HS6ST3: variants seen among roughly 807,000 people sequenced by gnomAD.
The protein encoded by HS6ST3 is heparan sulfate 6-O-sulfotransferase 3.
In HS6ST3, 12 loss-of-function variants were observed where a neutral mutation model predicts 36.7. The ratio of observed to expected loss-of-function variants is 0.33; its 90% CI spans 0.21 to 0.53. The LOEUF (loss-of-function observed/expected upper bound fraction) is 0.53, where lower values mean the gene tolerates loss of function less well. Ranked by LOEUF, HS6ST3 falls within the 20% of genes least tolerant of loss-of-function variation. The pLI, the probability that HS6ST3 is intolerant of heterozygous loss-of-function variation, is 0.95. For synonymous variants in HS6ST3, 240 were observed against 257.5 expected, an observed-to-expected ratio of 0.93 and a Z score of 0.65; for missense variants, 584 against 640.9, an observed-to-expected ratio of 0.91 and a Z score of 0.96.
intron 1 of HS6ST3, among the ~76,000 whole-genome samples, chr13:96,305,798 T>A (rs2054909390): frequency 6.6e-6 from 1 of 152,118 alleles, no homozygotes; most frequent in Admixed American, 6.5e-5. Flanking sequence ...GTTACTTGCT[T>A]TGATATATAT....
At chr13:96,489,063 A>G (rs2055931442) in intron 1 of HS6ST3, among the ~76,000 whole-genome samples, 1 of 152,126 alleles carries the variant, frequency 6.6e-6, no homozygotes, top group Non-Finnish European at 1.5e-5. Context: ...GAGAAAAAAT[A>G]AATAACATTG....
chr13:96,366,937 C>T (rs1343341350), intron 1 of HS6ST3, among the ~76,000 whole-genome samples: 1 of 152,152 alleles, frequency 6.6e-6, no homozygotes. Context: ...TCTTGCCTCC[C>T]ACCATGTAAG....
At chr13:96,797,174 A>C (rs1190911343) in intron 1 of HS6ST3, among the ~76,000 whole-genome samples, 2 of 152,092 alleles carry the variant, frequency 1.3e-5, no homozygotes, top group Non-Finnish European at 2.9e-5. Flanking sequence ...ACAAGGATGC[A>C]CAAGGGAGAT....
chr13:96,418,460 G>A (rs143736802), intron 1 of HS6ST3, among the ~76,000 whole-genome samples: 11 of 152,260 alleles, frequency 7.2e-5, no homozygotes, highest in African/African-American at 2.6e-4. Context: ...TGAGTTCTGA[G>A]CTTTATCTTT....
chr13:96,353,420 T>C (rs964881744), intron 1 of HS6ST3, among the ~76,000 whole-genome samples: 4 of 152,108 alleles, frequency 2.6e-5, no homozygotes, highest in African/African-American at 9.7e-5. Context: ...ATTTAATGTA[T>C]GGTATTGTGG....
At chr13:96,389,671 C>T (rs1042426717) in intron 1 of HS6ST3, among the ~76,000 whole-genome samples, 1 of 152,058 alleles carries the variant, frequency 6.6e-6, no homozygotes, top group Admixed American at 6.5e-5. Context: ...AATATATAAG[C>T]TCTTAGAACA....
rs541411040 is a variant in HS6ST3, at chr13:96,663,343, T to G, written c.708-169147T>G. ...TCTCCCACAGTTCTCCATGGGAAAT[T>G]TGAGTAAGAATATTTTACCAAAGAA... On this transcript the variant is annotated intron_variant, in intron 1 of 1. Coordinates refer to ENST00000376705, the MANE Select transcript of HS6ST3 (RefSeq NM_153456.4). Among the ~76,000 whole-genome samples, 3 of 152,264 alleles carry G rather than the reference T, an allele frequency of 2.0e-5. No individual in the cohort carries two copies. In the South Asian group the frequency reaches 6.2e-4, roughly 32 times the overall value.
intron 1 of HS6ST3, among the ~76,000 whole-genome samples, chr13:96,300,959 A>G (rs1033442375): frequency 2.0e-5 from 3 of 152,184 alleles, no homozygotes; most frequent in African/African-American, 4.8e-5. Flanking sequence ...TCTGGAAGAG[A>G]GAGGCATTTG....
intron 1 of HS6ST3, among the ~76,000 whole-genome samples, chr13:96,652,446 CCTT>C (rs1398764069): frequency 3.9e-5 from 6 of 151,942 alleles, no homozygotes. Context: ...TCCCTCCACT[CCTT>C]CTTCCTTCTG....
At chr13:96,706,447 G>T (rs1249783858) in intron 1 of HS6ST3, among the ~76,000 whole-genome samples, 1 of 106,906 alleles carries the variant, frequency 9.4e-6, no homozygotes. Context: ...ATATAATCAG[G>T]GAAAGTAGCG....
intron 1 of HS6ST3, among the ~76,000 whole-genome samples, chr13:96,415,662 G>T (rs1448390336): frequency 6.6e-6 from 1 of 152,114 alleles, no homozygotes; most frequent in Middle Eastern, 3.2e-3. Context: ...GTTCTCTGTG[G>T]ATCTTGCAAG....
At chr13:96,389,063 C>A (rs1446837279) in intron 1 of HS6ST3, among the ~76,000 whole-genome samples, 2 of 152,090 alleles carry the variant, frequency 1.3e-5, no homozygotes, top group African/African-American at 4.8e-5. Flanking sequence ...TTGATAAACT[C>A]ATTGAAAATG....
At chr13:96,410,093 A>G (rs1171637032) in intron 1 of HS6ST3, among the ~76,000 whole-genome samples, 1 of 152,228 alleles carries the variant, frequency 6.6e-6, no homozygotes, top group Non-Finnish European at 1.5e-5. Flanking sequence ...TAAAATCGTG[A>G]AAGGAACAAC....
chr13:96,330,329 C>A (rs1292659657), intron 1 of HS6ST3, among the ~76,000 whole-genome samples: 1 of 151,782 alleles, frequency 6.6e-6, no homozygotes, highest in Non-Finnish European at 1.5e-5. Context: ...ACCGGTTGTT[C>A]CTTTCCATGT....
At chr13:96,113,667 T>A (rs2053880874) in intron 1 of HS6ST3, among the ~76,000 whole-genome samples, 1 of 152,190 alleles carries the variant, frequency 6.6e-6, no homozygotes, top group Non-Finnish European at 1.5e-5. Context: ...CATTTGTAAA[T>A]TTGGAACCTT....
Position 96,585,998 on chromosome 13 carries a change from T to C in HS6ST3, c.708-246492T>C, listed in dbSNP as rs117844013. Among the ~76,000 whole-genome samples, 1,123 of 152,302 alleles carry C rather than the reference T, an allele frequency of 7.4e-3. 8 individuals are homozygous for C. The highest frequency in any genetic ancestry group is 0.012 in the Non-Finnish European group (846 of 68,012). ...TGGTAATTCCATTAAGTTTTTTTCA[T>C]AATGGATGTATTAATTACATTCCCA... On this transcript the variant is annotated intron_variant, in intron 1 of 1. Transcript: ENST00000376705.
intron 1 of HS6ST3, among the ~76,000 whole-genome samples, chr13:96,418,021 T>C (rs1397291305): frequency 6.6e-6 from 1 of 152,160 alleles, no homozygotes. Context: ...TTATAACTCA[T>C]GCCTGAACAA....
At chr13:96,260,305 C>CT (rs2054658943) in intron 1 of HS6ST3, among the ~76,000 whole-genome samples, 1 of 96,084 alleles carries the variant, frequency 1.0e-5, no homozygotes, top group Non-Finnish European at 2.1e-5. Flanking sequence ...CTACTTTTTT[C>CT]TTTTCTTTTC....
intron 1 of HS6ST3, among the ~76,000 whole-genome samples, chr13:96,459,129 G>T (rs575780765): frequency 6.3e-5 from 6 of 95,210 alleles, no homozygotes; most frequent in African/African-American, 1.1e-4. Flanking sequence ...AAAAAAAGAG[G>T]TGACATGAAA....
Sources: allele counts gnomAD v4.1 joint callset (sites outside exome capture counted in the v4.1 genomes callset), GRCh38; gene constraint gnomAD v4.1.1; transcripts MANE v1.5; gene names NCBI Gene and HGNC (gene_info 2026-07-23, HGNC 2026-07-21).